The following ARHGAP10 variants were observed in gnomAD, a reference collection of about 807,000 sequenced individuals.
ARHGAP10 encodes the protein Rho GTPase activating protein 10.
ARHGAP10 carries 87 observed loss-of-function variants against 108.6 expected under a neutral mutation model. The observed-to-expected ratio is 0.80, with a 90% CI of 0.67 to 0.96. ARHGAP10 has a LOEUF of 0.96. Ranked by LOEUF, ARHGAP10 falls within the 40% of genes least tolerant of loss-of-function variation. ARHGAP10 has a pLI of 0.00. For synonymous variants in ARHGAP10, 347 were observed against 341.1 expected (o/e 1.02, Z -0.19); for missense variants, 939 against 954.5 (o/e 0.98, Z 0.21).
chr4:147,880,808 C>T lies in ARHGAP10; in HGVS notation c.940-1030C>T, dbSNP rs1055638639. On this transcript the variant is annotated intron_variant, in intron 9 of 22. Coordinates refer to ENST00000336498, the MANE Select transcript of ARHGAP10 (RefSeq NM_024605.4). ...ATGAAAATATTTAATCTAGGGTTAT[C>T]GGTGTACTTTTAGGCTGACGTGTAT... Among the ~76,000 whole-genome samples the T allele has an allele frequency of 4.6e-5, 7 of 152,144 alleles. No homozygotes were observed. The East Asian group carries it at 9.6e-4, about 21-fold the overall frequency.
intron 1 of ARHGAP10, among the ~76,000 whole-genome samples, chr4:147,747,953 A>T (rs1729002530): frequency 6.6e-6 from 1 of 152,102 alleles, no homozygotes; most frequent in Admixed American, 6.6e-5. Context: ...TTGTTACTTT[A>T]GGGAGATGCT....
At chr4:147,784,476 TTATA>T (rs555520049) in intron 1 of ARHGAP10, among the ~76,000 whole-genome samples, 2 of 123,470 alleles carry the variant, frequency 1.6e-5, no homozygotes, top group African/African-American at 3.1e-5. Flanking sequence ...TAATTTATAT[TTATA>T]TATATATTTA....
At chr4:147,804,941 T>C (rs1731722529) in intron 1 of ARHGAP10, among the ~76,000 whole-genome samples, 1 of 152,186 alleles carries the variant, frequency 6.6e-6, no homozygotes, top group Non-Finnish European at 1.5e-5. Flanking sequence ...ACTCTGTTGA[T>C]AGTTTCTTTT....
chr4:147,942,946 G>T, intron 14 of ARHGAP10, among the ~76,000 whole-genome samples: 1 of 152,166 alleles, frequency 6.6e-6, no homozygotes, highest in East Asian at 1.9e-4. Flanking sequence ...TCTAAGACAG[G>T]GCGCACAGAT....
At chr4:147,898,010 C>T (rs1028935870) in intron 10 of ARHGAP10, among the ~76,000 whole-genome samples, 5 of 151,998 alleles carry the variant, frequency 3.3e-5, no homozygotes, top group East Asian at 3.9e-4. Context: ...CCTGCCACCA[C>T]GCCTGGCTAA....
chr4:147,909,393 C>T (rs1322540618), intron 11 of ARHGAP10, among the ~76,000 whole-genome samples: 1 of 152,120 alleles, frequency 6.6e-6, no homozygotes, highest in African/African-American at 2.4e-5. Context: ...GTGGGTAGGG[C>T]TGAAAGAAAT....
At chr4:147,934,601 C>T (rs767488610) in intron 13 of ARHGAP10, among the ~76,000 whole-genome samples, 1 of 152,088 alleles carries the variant, frequency 6.6e-6, no homozygotes, top group Non-Finnish European at 1.5e-5. Flanking sequence ...TTTGGGATGC[C>T]CTGAGGCAGT....
intron 3 of ARHGAP10, among the ~76,000 whole-genome samples, chr4:147,832,341 AT>A (rs200856201): frequency 4.7e-5 from 7 of 147,756 alleles, no homozygotes; most frequent in African/African-American, 1.5e-4. Flanking sequence ...TGACCACTTA[AT>A]TTTTTTTTTT....
chr4:147,951,687 A>G (rs1445839367), intron 15 of ARHGAP10, among the ~76,000 whole-genome samples: 2 of 152,002 alleles, frequency 1.3e-5, no homozygotes, highest in African/African-American at 4.8e-5. Flanking sequence ...TCGTCGTCTC[A>G]AGTGATCCTC....
chr4:147,740,506 T>C (rs1008696130), intron 1 of ARHGAP10, among the ~76,000 whole-genome samples: 1 of 152,190 alleles, frequency 6.6e-6, no homozygotes, highest in East Asian at 1.9e-4. Flanking sequence ...GGATATTCTT[T>C]TTACATTAGT....
intron 19 of ARHGAP10, among the ~76,000 whole-genome samples, chr4:148,034,604 C>T (rs1385048483): frequency 1.3e-5 from 2 of 151,958 alleles, no homozygotes; most frequent in African/African-American, 4.8e-5. Flanking sequence ...GCCGGGATTA[C>T]AGGTGTGAGC....
intron 19 of ARHGAP10, among the ~76,000 whole-genome samples, chr4:148,043,614 A>AAT (rs57931206): frequency 0.043 from 2,346 of 54,724 alleles, 101 homozygotes; most frequent in African/African-American, 0.062. Flanking sequence ...CCCTCTCTCT[A>AAT]ATATATATAT....
At chr4:147,766,559 T>G (rs962519036) in intron 1 of ARHGAP10, among the ~76,000 whole-genome samples, 1 of 149,180 alleles carries the variant, frequency 6.7e-6, no homozygotes. Context: ...TGTGTGGGTG[T>G]GTGTGGGTGT....
chr4:147,961,484 T>C (rs1438098250), intron 16 of ARHGAP10, among the ~76,000 whole-genome samples: 1 of 152,220 alleles, frequency 6.6e-6, no homozygotes, highest in Non-Finnish European at 1.5e-5. Flanking sequence ...TACTTTGTAC[T>C]AAGGTCATTT....
intron 5 of ARHGAP10, chr4:147,863,556 A>T (rs1016059447): frequency 6.6e-6 from 1 of 152,152 alleles, no homozygotes; most frequent in East Asian, 1.9e-4. Context: ...GGGTGTACAC[A>T]TATCTGTTCG....
chr4:147,779,547 A>G (rs961336177), intron 1 of ARHGAP10, among the ~76,000 whole-genome samples: 1 of 151,976 alleles, frequency 6.6e-6, no homozygotes, highest in Admixed American at 6.6e-5. Flanking sequence ...TGGGAGAGAG[A>G]ATTGGAAGGC....
At chr4:148,067,776 G>T (rs1321116181) in intron 22 of ARHGAP10, among the ~76,000 whole-genome samples, 1 of 152,208 alleles carries the variant, frequency 6.6e-6, no homozygotes, top group Non-Finnish European at 1.5e-5. Flanking sequence ...CGTTTGGGAT[G>T]TGTGCAGCTG....
intron 3 of ARHGAP10, among the ~76,000 whole-genome samples, chr4:147,829,285 C>T (rs562657430): frequency 6.6e-6 from 1 of 152,130 alleles, no homozygotes; most frequent in East Asian, 1.9e-4. Flanking sequence ...ATCTCCTGAC[C>T]TTGTGATCTT....
chr4:148,003,035 T>C (rs1024238775), intron 18 of ARHGAP10, among the ~76,000 whole-genome samples: 11 of 152,218 alleles, frequency 7.2e-5, no homozygotes, highest in African/African-American at 2.7e-4. Flanking sequence ...CTTTCCTGCT[T>C]TCTCTTGTGG....
Sources: gnomAD v4.1 joint callset for allele counts (sites outside exome capture counted in the v4.1 genomes callset) on GRCh38, gnomAD v4.1.1 for gene constraint, MANE v1.5 for transcripts, NCBI Gene and HGNC (gene_info 2026-07-23, HGNC 2026-07-21) for gene names.